Variants in SYTL5 observed in about 807,000 individuals in gnomAD.
SYTL5 encodes the protein synaptotagmin like 5, also known as synaptotagmin-like protein 5.
A neutral mutation model predicts 55.9 loss-of-function variants in SYTL5; 34 were observed. The ratio of observed to expected loss-of-function variants is 0.61; its 90% CI spans 0.46 to 0.81. The LOEUF (loss-of-function observed/expected upper bound fraction) is 0.81. Ranked by LOEUF, SYTL5 falls within the 30% of genes least tolerant of loss-of-function variation. The pLI is 0.00. For synonymous variants in SYTL5, 221 were observed against 188.7 expected (o/e 1.17, Z -1.40); for missense variants, 637 against 546.7 (o/e 1.17, Z -1.65).
At chrX:38,034,653 A>C (rs1935051804) in intron 2 of SYTL5, among the ~76,000 whole-genome samples, 1 of 111,899 alleles carries the variant, frequency 8.9e-6, no homozygotes, top group South Asian at 3.7e-4. Flanking sequence ...GTTGAATTTC[A>C]TATCCACTGT....
chrX:38,015,200 C>T (rs1002530514), intron 1 of SYTL5, among the ~76,000 whole-genome samples: 11 of 112,282 alleles, frequency 9.8e-5, no homozygotes, highest in South Asian at 3.7e-4. Flanking sequence ...AGGAAATATA[C>T]ATTTAAGTGG....
chrX:37,951,272 G>A, the SYTL5 span, among the ~76,000 whole-genome samples: 2 of 111,585 alleles, frequency 1.8e-5, no homozygotes, highest in Non-Finnish European at 3.8e-5. Flanking sequence ...TAAGTGAATT[G>A]ATTTCAATGG....
chrX:37,928,817 A>G, the SYTL5 span, among the ~76,000 whole-genome samples: 1 of 111,884 alleles, frequency 8.9e-6, no homozygotes, highest in African/African-American at 3.2e-5. Flanking sequence ...TTTTTTCTTT[A>G]TCTTAGTCCA....
intron 15 of SYTL5, among the ~76,000 whole-genome samples, chrX:38,124,665 A>ACAT (rs1937608178): frequency 8.9e-6 from 1 of 111,853 alleles, no homozygotes; most frequent in Non-Finnish European, 1.9e-5. Context: ...GTTGATTAAA[A>ACAT]CATATGTTAA....
the SYTL5 span, among the ~76,000 whole-genome samples, chrX:37,898,259 C>T: frequency 8.9e-6 from 1 of 111,777 alleles, no homozygotes; most frequent in East Asian, 2.8e-4. Context: ...GCCTAATCAC[C>T]TCCCAATTGC....
At chrX:38,022,792 A>C (rs1376413187) in intron 1 of SYTL5, among the ~76,000 whole-genome samples, 5 of 112,316 alleles carry the variant, frequency 4.5e-5, no homozygotes, top group Non-Finnish European at 7.5e-5. Flanking sequence ...TAGATAGCTA[A>C]GCTAAACTAG....
chrX:38,060,013 C>T (rs2147334441), intron 3 of SYTL5, among the ~76,000 whole-genome samples: 1 of 111,696 alleles, frequency 9.0e-6, no homozygotes, highest in African/African-American at 3.2e-5. Context: ...GACTCAAAAA[C>T]TCTTCAATCA....
At chrX:37,918,946 A>AGTGTGTGTGT in the SYTL5 span, among the ~76,000 whole-genome samples, 1 of 105,066 alleles carries the variant, frequency 9.5e-6, no homozygotes, top group Middle Eastern at 4.4e-3. Context: ...AGTGTGAGTG[A>AGTGTGTGTGT]GTGTGTGTGT....
intron 9 of SYTL5, among the ~76,000 whole-genome samples, chrX:38,101,595 T>A (rs945189584): frequency 9.1e-6 from 1 of 110,095 alleles, no homozygotes; most frequent in Non-Finnish European, 1.9e-5. Context: ...AAAAGAAAAG[T>A]GCCCATAATA....
chrX:38,019,887 G>C (rs546110157), intron 1 of SYTL5, among the ~76,000 whole-genome samples: 5 of 111,116 alleles, frequency 4.5e-5, no homozygotes, highest in African/African-American at 9.8e-5. Context: ...CGCCCGCTTC[G>C]GCCTCCCAAA....
chrX:38,045,020 C>T (rs1332140976), intron 2 of SYTL5, among the ~76,000 whole-genome samples: 5 of 111,566 alleles, frequency 4.5e-5, no homozygotes, highest in Non-Finnish European at 1.9e-5. Flanking sequence ...TTATAAGATC[C>T]CTGTCTTAGG....
rs745443671 is a variant in SYTL5, at chrX:38,034,585, AC to A, written c.119+579del. On this transcript the variant is annotated intron_variant, in intron 2 of 16. Transcript: ENST00000297875. ...AAAAATTTCCCATCATACCCCAGAA[AC>A]CACTTGAATTTTTAAAAATAAGTTT... Among the ~76,000 whole-genome samples, 7 of 112,376 alleles carry A rather than the reference AC, an allele frequency of 6.2e-5. No homozygotes were observed. In the East Asian group the frequency reaches 2.0e-3, roughly 31 times the overall value.
At chrX:38,120,521 T>A in intron 14 of SYTL5, 55 bp downstream of exon 14, 1 of 910,701 alleles carries the variant, frequency 1.1e-6, no homozygotes, top group Non-Finnish European at 1.6e-6. Context: ...AGAAGTGTGG[T>A]AGTGGGACTC....
chrX:38,105,688 C>T (rs1490610666), intron 10 of SYTL5, among the ~76,000 whole-genome samples: 1 of 112,115 alleles, frequency 8.9e-6, no homozygotes, highest in African/African-American at 3.2e-5. Context: ...ATACTCAAAA[C>T]AGCATACAAT....
chrX:37,906,031 G>C, the SYTL5 span: 1 of 113,236 alleles, frequency 8.8e-6, no homozygotes, highest in South Asian at 3.6e-4. Context: ...CCTGGGTTAG[G>C]AGCGGGACTT....
At chrX:38,067,938 G>A (rs955751971) in intron 3 of SYTL5, among the ~76,000 whole-genome samples, 63 of 111,898 alleles carry the variant, frequency 5.6e-4, no homozygotes, top group African/African-American at 1.7e-3. Flanking sequence ...ATTGACAAAT[G>A]AGACCTAATT....
At chrX:37,932,089 AG>A in the SYTL5 span, among the ~76,000 whole-genome samples, 1 of 112,429 alleles carries the variant, frequency 8.9e-6, no homozygotes, top group Non-Finnish European at 1.9e-5. Flanking sequence ...GTAAATTTTA[AG>A]AATTAAAAAA....
upstream of SYTL5, among the ~76,000 whole-genome samples, chrX:38,003,455 C>A (rs968625766): frequency 9.0e-6 from 1 of 111,145 alleles, no homozygotes; most frequent in Non-Finnish European, 1.9e-5. Flanking sequence ...GAGCCAAATC[C>A]TGAGTGAACT....
rs1437803340 is a variant in SYTL5 at position 38,057,230 on chromosome X, T to C, written c.329+2808T>C. ...ATCCAGTTTTCCCAGCACCACTTGTTGAAGAGACTCTCCTTTCCCCAATGT... is the reference window on the plus strand; with the variant it reads ...ATCCAGTTTTCCCAGCACCACTTGTCGAAGAGACTCTCCTTTCCCCAATGT... On this transcript the variant is annotated intron_variant, in intron 3 of 16. Transcript: ENST00000297875. Among the ~76,000 whole-genome samples the C allele has an allele frequency of 1.8e-5, 2 of 111,807 alleles. 1 individual carries two copies. Among genetic ancestry groups the C allele is most frequent in the Non-Finnish European group, 3.8e-5 (2 of 53,020 alleles).
Sources: allele counts gnomAD v4.1 joint callset (sites outside exome capture counted in the v4.1 genomes callset), GRCh38; gene constraint gnomAD v4.1.1; transcripts MANE v1.5; gene names NCBI Gene and HGNC (gene_info 2026-07-23, HGNC 2026-07-21).